Variants in APOLD1 observed in about 807,000 individuals in gnomAD.
APOLD1 encodes apolipoprotein L domain-containing protein 1.
A neutral mutation model predicts 15.3 loss-of-function variants in APOLD1; 22 were observed. The observed-to-expected ratio is 1.44, with a 90% confidence interval of 1.03 to 2.05. The LOEUF (loss-of-function observed/expected upper bound fraction) is 2.05, where lower values mean the gene tolerates loss of function less well. APOLD1 is among the 30% of genes most tolerant of loss of function. APOLD1 has a pLI of 0.00. For synonymous variants in APOLD1, 190 were observed against 167.4 expected (o/e 1.13, Z -1.04); for missense variants, 394 against 353.5 (o/e 1.11, Z -0.92).
intron 1 of APOLD1, among the ~76,000 whole-genome samples, chr12:12,734,010 A>G (rs1946663986): frequency 6.6e-6 from 1 of 152,204 alleles, no homozygotes. Context: ...GCAGAGCACA[A>G]GGCATTTCTT....
At chr12:12,781,796 G>A (rs1413894170), upstream of APOLD1, among the ~76,000 whole-genome samples, 1 of 151,386 alleles carries the variant, frequency 6.6e-6, no homozygotes, top group Non-Finnish European at 1.5e-5. Flanking sequence ...CAAAGTGCTG[G>A]GATTACAGGC....
At chr12:12,770,480 A>G (rs955195827) in intron 1 of APOLD1, among the ~76,000 whole-genome samples, 6 of 152,060 alleles carry the variant, frequency 3.9e-5, no homozygotes, top group Non-Finnish European at 8.8e-5. Flanking sequence ...GCTTATTAGT[A>G]TACTAAACAT....
chr12:12,731,889 G>C (rs1306050798), intron 1 of APOLD1, among the ~76,000 whole-genome samples: 1 of 152,192 alleles, frequency 6.6e-6, no homozygotes, highest in Non-Finnish European at 1.5e-5. Context: ...CCGTCTTTCA[G>C]GTTCAGTGTA....
At position 12,787,404 on chromosome 12, in the gene APOLD1, G is replaced by A. The variant is rs775738529; in HGVS notation, c.499G>A (p.Val167Ile). The A allele has an allele frequency of 1.2e-6, 2 of 1,614,112 alleles. No individual in the cohort carries two copies. The highest frequency in any genetic ancestry group is 1.7e-6 in the Non-Finnish European group (2 of 1,179,966). ...CGCCTCCATCGCCCTGTACAATTCT[G>A]TCTACTTCATCGTCTTCTTTGGCTC... ...RNASIALYNS[V>I]YFIVFFGSRG... The change falls in exon 2 of 2, where the codon GTC becomes ATC. Residue 167 changes from valine to isoleucine, a missense_variant. Coordinates refer to ENST00000356591, the MANE Select transcript of APOLD1 (RefSeq NM_030817.3). This position sits in a 1 kb window ranked among gnomAD's most constrained non-coding sequence, Gnocchi z 4.9.
chr12:12,753,488 C>T (rs1351184886), intron 1 of APOLD1, among the ~76,000 whole-genome samples: 2 of 152,032 alleles, frequency 1.3e-5, no homozygotes, highest in Non-Finnish European at 2.9e-5. Flanking sequence ...CATGGCGAGA[C>T]TACGTCACTA....
intron 1 of APOLD1, among the ~76,000 whole-genome samples, chr12:12,746,817 G>T (rs1314820393): frequency 1.3e-5 from 2 of 152,018 alleles, no homozygotes; most frequent in South Asian, 2.1e-4. Flanking sequence ...CTTCTGGAGT[G>T]CCCAGTGTCT....
intron 1 of APOLD1, among the ~76,000 whole-genome samples, chr12:12,764,226 G>A (rs1415900538): frequency 6.6e-6 from 1 of 152,174 alleles, no homozygotes; most frequent in Admixed American, 6.6e-5. Flanking sequence ...GCCTCCCAAA[G>A]TGCTGGGATT....
Position 12,746,510 on chromosome 12 carries a change from A to AATAAATAAATAATAC in APOLD1, c.96+20421_96+20422insAATAATACATAAATA, listed in dbSNP as rs57489224. ...AAACTCCATCTCAAATAAATAAATAAATAAATACATAAATACATACATACA... is the reference window on the plus strand; with the variant it reads ...AAACTCCATCTCAAATAAATAAATAAATAAATAAATAATACATAAATACATAAATACATACATACA... On this transcript the variant is annotated intron_variant, in intron 1 of 1. Transcript: ENST00000326765. Among the ~76,000 whole-genome samples the AATAAATAAATAATAC allele has an allele frequency of 4.6e-3, 696 of 149,950 alleles. 7 individuals are homozygous for AATAAATAAATAATAC. The highest frequency in any genetic ancestry group is 0.016 in the African/African-American group (659 of 40,602).
Position 12,787,148 on chromosome 12 carries a change from G to A in APOLD1, c.243G>A (p.Leu81=), listed in dbSNP as rs769668993. 23 of 1,512,024 alleles carry A rather than the reference G, an allele frequency of 1.5e-5. No homozygotes were observed. The Admixed American group carries it at 2.3e-4, about 15-fold the overall frequency. The allele number at this position is 1,512,024 out of a possible 1,614,324, so 93.7% of individuals were successfully genotyped here. ...IVGLSLSPVT[L]GTSLLVSAVG... is the part of the protein sequence containing the mutation. ...GGCTCTCGCTCAGCCCGGTCACCCTGGGGACCTCGCTGCTGGTGTCGGCCG... is the reference window on the plus strand; with the variant it reads ...GGCTCTCGCTCAGCCCGGTCACCCTAGGGACCTCGCTGCTGGTGTCGGCCG... Residue 81 remains leucine (L), a synonymous_variant, in exon 2 of 2, where the codon CTG becomes CTA. Transcript: ENST00000356591. This position sits in a 1 kb window ranked among gnomAD's most constrained non-coding sequence, Gnocchi z 4.9.
rs961017473 is a variant in APOLD1, at chr12:12,788,077, G to A, written c.*425G>A. The A allele has an allele frequency of 6.6e-5, 11 of 166,398 alleles. No homozygotes were observed. In the East Asian group the frequency reaches 1.8e-3, roughly 27 times the overall value. The allele number at this position is 166,398 out of a possible 1,614,324, so 10.3% of individuals were successfully genotyped here. A position where few individuals can be genotyped will look rare whatever the true frequency, so the allele number is the denominator to read the frequency against. On this transcript the variant is annotated 3_prime_UTR_variant, in exon 2 of 2. Coordinates refer to ENST00000356591, the MANE Select transcript of APOLD1 (RefSeq NM_030817.3). ...AGTCCTCAAAATGTGCGTGAGGAAG[G>A]CGTTTGCCTCTATTCCAGAATTTCT...
intron 1 of APOLD1, among the ~76,000 whole-genome samples, chr12:12,731,754 C>T (rs986466503): frequency 1.1e-4 from 16 of 152,264 alleles, no homozygotes; most frequent in Admixed American, 5.9e-4. Context: ...GATACAAAGA[C>T]GGCCATTATT....
rs113552116 is a variant in APOLD1 at position 12,728,690 on chromosome 12, A to G, written c.96+2594A>G. 1.1e-3 allele frequency among the ~76,000 whole-genome samples: 150 copies of G among 139,380 alleles called. 3 individuals carry two copies. The highest frequency in any genetic ancestry group is 3.7e-3 in the Middle Eastern group (1 of 270). The allele number at this position is 139,380 out of a possible 152,430, so 91.4% of individuals were successfully genotyped here. A position where few individuals can be genotyped will look rare whatever the true frequency, so the allele number is the denominator to read the frequency against. On this transcript the variant is annotated intron_variant, in intron 1 of 1. Coordinates refer to the APOLD1 transcript ENST00000326765. ...CAAAAAAAAAAAAAAAAAAAAAAAA[A>G]AGAGAGAGAAAGAAAAGAAAGAAAG...
At chr12:12,730,292 A>C (rs960026381) in intron 1 of APOLD1, among the ~76,000 whole-genome samples, 22 of 152,088 alleles carry the variant, frequency 1.4e-4, no homozygotes, top group Non-Finnish European at 4.4e-5. Context: ...TATTTGTGAG[A>C]TGCTGTAGTG....
At chr12:12,747,830 G>A (rs970085064) in intron 1 of APOLD1, among the ~76,000 whole-genome samples, 2 of 152,236 alleles carry the variant, frequency 1.3e-5, no homozygotes, top group African/African-American at 4.8e-5. Flanking sequence ...GAGTGATTGA[G>A]GCTTCTGGAG....
intron 1 of APOLD1, among the ~76,000 whole-genome samples, chr12:12,776,064 TAAG>T (rs1462294987): frequency 4.6e-5 from 4 of 86,630 alleles, no homozygotes; most frequent in African/African-American, 1.3e-4. Flanking sequence ...TAAAAGCAAA[TAAG>T]GAGAATAATA....
chr12:12,762,552 A>T (rs2136386920), intron 1 of APOLD1, among the ~76,000 whole-genome samples: 1 of 151,934 alleles, frequency 6.6e-6, no homozygotes, highest in East Asian at 1.9e-4. Flanking sequence ...ATGGGGTTTC[A>T]CCATGTTAGC....
Position 12,787,023 on chromosome 12 carries a change from G to C in APOLD1, c.118G>C (p.Glu40Gln). The change falls in exon 2 of 2, where the codon GAG becomes CAG. Residue 40 changes from glutamate to glutamine, a missense_variant. Coordinates refer to ENST00000356591, the MANE Select transcript of APOLD1 (RefSeq NM_030817.3). The surrounding 1 kb of genome is among the most constrained non-coding windows in gnomAD (Gnocchi z 4.9). ...GCACGGCCAGGTGCTGCGCCTGCGC[G>C]AGGTGGCCCGGCGCCTGGAGCGCCT... The part of the protein sequence containing the change: ...RLHGQVLRLR[E>Q]VARRLERLRR... The C allele has an allele frequency of 7.2e-7, 1 of 1,382,198 alleles. No individual in the cohort carries two copies. 85.6% of individuals were successfully genotyped at this position (1,382,198 alleles called of 1,614,324 possible). A position where few individuals can be genotyped will look rare whatever the true frequency, so the allele number is the denominator to read the frequency against.
At chr12:12,772,850 A>T (rs1946999594) in intron 1 of APOLD1, among the ~76,000 whole-genome samples, 1 of 152,246 alleles carries the variant, frequency 6.6e-6, no homozygotes, top group Admixed American at 6.5e-5. Context: ...GAAAATCCCA[A>T]TATACTTGGA....
intron 1 of APOLD1, among the ~76,000 whole-genome samples, chr12:12,746,954 T>G (rs560184617): frequency 2.6e-5 from 4 of 152,332 alleles, no homozygotes; most frequent in Non-Finnish European, 5.9e-5. Flanking sequence ...ACACCAATGT[T>G]GCTGCAAATG....
Sources: allele counts gnomAD v4.1 joint callset (sites outside exome capture counted in the v4.1 genomes callset), GRCh38; gene constraint gnomAD v4.1.1; non-coding constraint Gnocchi (gnomAD v3.1); transcripts MANE v1.5; gene names NCBI Gene and HGNC (gene_info 2026-07-23, HGNC 2026-07-21).